Variants in DRC11L observed in about 807,000 individuals in gnomAD.
DRC11L encodes dynein regulatory complex subunit like-11.
chr7:151,204,400 G>T, the DRC11L span: 8 of 223,412 alleles, frequency 3.6e-5, no homozygotes, highest in East Asian at 8.2e-5. Context: ...CCGACCCCAA[G>T]CTGGCCAGGG....
chr7:151,192,439 C>T, the DRC11L span: 1 of 399,448 alleles, frequency 2.5e-6, no homozygotes. Flanking sequence ...CCTTCTTTAT[C>T]CGCTTTGGGT....
At chr7:151,193,870 G>C in the DRC11L span, among the ~76,000 whole-genome samples, 1 of 150,112 alleles carries the variant, frequency 6.7e-6, no homozygotes, top group Admixed American at 6.6e-5. Flanking sequence ...TTGTGCCACT[G>C]CACTCCAGCC....
At chr7:151,197,039 AC>A in the DRC11L span, 1 of 399,658 alleles carries the variant, frequency 2.5e-6, no homozygotes, top group Non-Finnish European at 4.4e-6. Context: ...CACTTGCAAC[AC>A]CGCATCCACT....
chr7:151,193,752 C>G, the DRC11L span, among the ~76,000 whole-genome samples: 2 of 152,080 alleles, frequency 1.3e-5, no homozygotes, highest in African/African-American at 4.8e-5. Context: ...CTGCTACCCC[C>G]ACTAATGCCC....
At chr7:151,194,356 G>A in the DRC11L span, 1 of 398,900 alleles carries the variant, frequency 2.5e-6, no homozygotes, top group Non-Finnish European at 4.4e-6. Context: ...CAAGATACAG[G>A]AAGTCACCTG....
the DRC11L span, among the ~76,000 whole-genome samples, chr7:151,199,679 G>A: frequency 2.6e-4 from 40 of 152,266 alleles, no homozygotes; most frequent in Middle Eastern, 0.01. The surrounding 1 kb of genome is among the most constrained non-coding windows in gnomAD (Gnocchi z 5.2). Context: ...CCAGACCTGG[G>A]AAGGCTCCCT....
the DRC11L span, among the ~76,000 whole-genome samples, chr7:151,193,831 C>T: frequency 2.0e-5 from 3 of 150,012 alleles, no homozygotes; most frequent in African/African-American, 4.9e-5. Flanking sequence ...GCACGGGACA[C>T]GGGAGGTGGA....
chr7:151,201,693 G>C, the DRC11L span, among the ~76,000 whole-genome samples: 1 of 152,202 alleles, frequency 6.6e-6, no homozygotes, highest in Non-Finnish European at 1.5e-5. This position sits in a 1 kb window ranked among gnomAD's most constrained non-coding sequence, Gnocchi z 4.1. Context: ...TGGGACTTGA[G>C]AGAGAGAGGA....
the DRC11L span, chr7:151,203,095 C>T: frequency 2.5e-6 from 1 of 399,132 alleles, no homozygotes; most frequent in Non-Finnish European, 4.4e-6. Flanking sequence ...TCCTGTAAAG[C>T]TCTGGCCAGA....
At chr7:151,200,629 A>G in the DRC11L span, among the ~76,000 whole-genome samples, 2 of 152,116 alleles carry the variant, frequency 1.3e-5, no homozygotes, top group African/African-American at 4.8e-5. Context: ...AGCCTGGAAC[A>G]GGGTGGTTTC....
the DRC11L span, among the ~76,000 whole-genome samples, chr7:151,194,044 G>A: frequency 2.6e-5 from 4 of 152,164 alleles, no homozygotes; most frequent in South Asian, 2.1e-4. Context: ...GGCTGGCAGC[G>A]TGGGCTCTTT....
At chr7:151,203,649 G>T in the DRC11L span, 1 of 393,918 alleles carries the variant, frequency 2.5e-6, no homozygotes, top group African/African-American at 2.1e-5. Context: ...TAAACTTAAA[G>T]GGTAATGGGG....
the DRC11L span, chr7:151,194,165 T>C: frequency 5.1e-6 from 2 of 394,458 alleles, no homozygotes; most frequent in Admixed American, 4.4e-5. Context: ...AGGCTGGACA[T>C]GTCCACCTCA....
At chr7:151,197,328 C>T in the DRC11L span, 3 of 398,854 alleles carry the variant, frequency 7.5e-6, no homozygotes, top group African/African-American at 2.1e-5. Flanking sequence ...CCATTCTCAC[C>T]TGTGACCAAT....
chr7:151,203,332 C>CA, the DRC11L span: 1 of 399,206 alleles, frequency 2.5e-6, no homozygotes, highest in African/African-American at 2.1e-5. Context: ...GGCCTCTCTG[C>CA]ATTCTGGAGT....
chr7:151,196,996 G>A, the DRC11L span: 9 of 399,250 alleles, frequency 2.3e-5, no homozygotes, highest in South Asian at 8.9e-4. Context: ...CTTCATGCCC[G>A]GCACAGATCA....
At chr7:151,202,856 G>C in the DRC11L span, 4 of 399,348 alleles carry the variant, frequency 1.0e-5, no homozygotes, top group African/African-American at 2.1e-5. Context: ...AGCCCAGCAG[G>C]CTTCCTGAAT....
At chr7:151,192,258 C>A in the DRC11L span, 2 of 398,970 alleles carry the variant, frequency 5.0e-6, no homozygotes, top group Non-Finnish European at 4.4e-6. Flanking sequence ...CAGCCGTCCC[C>A]ACATCCCCAG....
the DRC11L span, among the ~76,000 whole-genome samples, chr7:151,200,781 C>G: frequency 3.3e-5 from 5 of 152,166 alleles, no homozygotes; most frequent in African/African-American, 1.2e-4. Context: ...CCTCAGAATC[C>G]CCAGAGCAGT....
Sources: allele counts gnomAD v4.1 joint callset (sites outside exome capture counted in the v4.1 genomes callset), GRCh38; gene constraint gnomAD v4.1.1; non-coding constraint Gnocchi (gnomAD v3.1); transcripts MANE v1.5; gene names NCBI Gene and HGNC (gene_info 2026-07-23, HGNC 2026-07-21).